AFF3: variants seen among roughly 807,000 people sequenced by gnomAD.
AFF3 encodes the protein ALF transcription elongation factor 3, also known as AF4/FMR2 family member 3.
In AFF3, 32 loss-of-function variants were observed where a neutral mutation model predicts 129.7. The ratio of observed to expected loss-of-function variants is 0.25; its 90% CI spans 0.19 to 0.33. The LOEUF is 0.33. Among genes scored for constraint, AFF3 ranks in the 10% least tolerant of loss-of-function variants. The probability of loss-of-function intolerance (pLI) is 1.00; values close to 1 mark genes in which losing one functional copy is unlikely to be tolerated. For missense variants in AFF3, 1,373 were observed against 1,592.0 expected, an observed-to-expected ratio of 0.86 and a Z score of 2.34; for synonymous variants, 644 against 635.4, an observed-to-expected ratio of 1.01 and a Z score of -0.20.
At chr2:99,842,459 G>C (rs945157054) in intron 7 of AFF3, among the ~76,000 whole-genome samples, 1 of 152,070 alleles carries the variant, frequency 6.6e-6, no homozygotes, top group African/African-American at 2.4e-5. Flanking sequence ...TTGACGGTTT[G>C]TAGCTGTTGT....
At position 100,008,816 on chromosome 2, in the gene AFF3, T is replaced by C. The variant is rs1682232860; in HGVS notation, c.170A>G (p.Tyr57Cys). Residue 57 changes from tyrosine to cysteine, a missense_variant, in exon 5 of 25, where the codon TAC becomes TGC. Tyr to Cys is a radical substitution (Grantham distance 194). Around this residue, in one of 9 missense-constraint regions of AFF3, gnomAD observed 255 missense variants for 256.0 expected, o/e 1.00. Transcript: ENST00000672756. ...GAACAACTGAAAACCATCTACCTTGTAGGGCTCACTGAAGAGAGAGTAACT... is the reference window on the plus strand; with the variant it reads ...GAACAACTGAAAACCATCTACCTTGCAGGGCTCACTGAAGAGAGAGTAACT... ...NSSYSLFSEPYKTNKGDELSN... is the reference protein window; with the variant it reads ...NSSYSLFSEPCKTNKGDELSN... The C allele has an allele frequency of 2.5e-6, 4 of 1,613,798 alleles. No individual in the cohort carries two copies. Among genetic ancestry groups the C allele is most frequent in the Non-Finnish European group, 3.4e-6 (4 of 1,179,888 alleles).
At position 99,551,379 on chromosome 2, in the gene AFF3, T is replaced by A; in HGVS notation, c.*95A>T. On this transcript the variant is annotated 3_prime_UTR_variant, in exon 25 of 25. Coordinates refer to ENST00000672756, the MANE Select transcript of AFF3 (RefSeq NM_001386135.1). ...TGAGGAAATGTTCACCGCAGTCTGA[T>A]AAATGCTGTGGCTGGGAGTTTCAGT... 1 of 1,510,912 alleles carries A rather than the reference T, an allele frequency of 6.6e-7. No individual in the cohort carries two copies. Among genetic ancestry groups the A allele is most frequent in the Non-Finnish European group, 9.0e-7 (1 of 1,107,022 alleles). The allele number at this position is 1,510,912 out of a possible 1,614,324, so 93.6% of individuals were successfully genotyped here. A position where few individuals can be genotyped will look rare whatever the true frequency, so the allele number is the denominator to read the frequency against.
intron 4 of AFF3, among the ~76,000 whole-genome samples, chr2:100,101,982 T>C (rs1475029427): frequency 6.8e-6 from 1 of 147,638 alleles, no homozygotes; most frequent in Non-Finnish European, 1.5e-5. Context: ...TCATCTGTTT[T>C]ATGACCTCAG....
intron 4 of AFF3, among the ~76,000 whole-genome samples, chr2:100,093,005 C>T (rs199818589): frequency 6.6e-6 from 1 of 151,902 alleles, no homozygotes; most frequent in Non-Finnish European, 1.5e-5. Context: ...AACCCAGACA[C>T]CTAGAAATCC....
intron 4 of AFF3, among the ~76,000 whole-genome samples, chr2:100,088,037 C>T (rs1402716368): frequency 6.7e-6 from 1 of 150,234 alleles, no homozygotes; most frequent in Non-Finnish European, 1.5e-5. Flanking sequence ...TGATAAAGGG[C>T]ATCTATGAAA....
intron 4 of AFF3, among the ~76,000 whole-genome samples, chr2:100,095,760 G>C (rs1471279973): frequency 6.7e-6 from 1 of 149,898 alleles, no homozygotes; most frequent in Admixed American, 6.7e-5. Flanking sequence ...AACATGCAAA[G>C]TCAATTGTGC....
intron 4 of AFF3, among the ~76,000 whole-genome samples, chr2:100,061,862 G>GGC (rs1358027053): frequency 6.6e-6 from 1 of 151,246 alleles, no homozygotes; most frequent in African/African-American, 2.4e-5. Context: ...AGTGGAGGGG[G>GGC]GGGGGGTGCC....
intron 11 of AFF3, among the ~76,000 whole-genome samples, chr2:99,694,173 C>T (rs1325459338): frequency 6.6e-6 from 1 of 152,158 alleles, no homozygotes. Flanking sequence ...ACTGGAATTA[C>T]AAGTGTGAGC....
intron 4 of AFF3, among the ~76,000 whole-genome samples, chr2:100,045,372 T>C (rs1685752041): frequency 6.6e-6 from 1 of 152,206 alleles, no homozygotes; most frequent in Non-Finnish European, 1.5e-5. Flanking sequence ...CAGACTAATG[T>C]ACTTCTTAAT....
chr2:99,991,758 C>T (rs1680360224), intron 7 of AFF3, among the ~76,000 whole-genome samples: 1 of 151,954 alleles, frequency 6.6e-6, no homozygotes, highest in East Asian at 1.9e-4. Context: ...CAAAAATTAG[C>T]CAGGCGTGGT....
At chr2:99,724,241 C>G (rs1207285852) in intron 11 of AFF3, among the ~76,000 whole-genome samples, 1 of 139,062 alleles carries the variant, frequency 7.2e-6, no homozygotes, top group Non-Finnish European at 1.5e-5. Context: ...GGTTTATGCT[C>G]TAACTCCTCA....
At chr2:99,559,102 G>T in intron 21 of AFF3, 134 bp from the exon 22 acceptor site, 1 of 707,670 alleles carries the variant, frequency 1.4e-6, no homozygotes, top group South Asian at 1.8e-5. Context: ...CTTTCTATAC[G>T]TGCATATAAT....
intron 8 of AFF3, among the ~76,000 whole-genome samples, chr2:99,767,068 A>C (rs1683079283): frequency 6.6e-6 from 1 of 152,246 alleles, no homozygotes; most frequent in Non-Finnish European, 1.5e-5. Context: ...TCTGAGACTT[A>C]ATAGAGCCAA....
intron 8 of AFF3, among the ~76,000 whole-genome samples, chr2:99,824,210 G>T (rs1187565119): frequency 6.6e-6 from 1 of 151,894 alleles, no homozygotes; most frequent in Non-Finnish European, 1.5e-5. Context: ...CCACATCCAG[G>T]GTTCAAGTGA....
At chr2:100,080,650 G>C (rs1016415862) in intron 4 of AFF3, among the ~76,000 whole-genome samples, 6 of 152,090 alleles carry the variant, frequency 3.9e-5, no homozygotes, top group African/African-American at 1.4e-4. Context: ...ACACAGGCAT[G>C]AACCAAGCAC....
At chr2:99,900,059 C>G (rs895652248) in intron 7 of AFF3, among the ~76,000 whole-genome samples, 18 of 152,096 alleles carry the variant, frequency 1.2e-4, no homozygotes, top group Admixed American at 3.9e-4. Flanking sequence ...CTCACAACAT[C>G]GTGGCTGTAA....
chr2:99,826,428 T>C (rs1688085703), intron 8 of AFF3, among the ~76,000 whole-genome samples: 1 of 152,174 alleles, frequency 6.6e-6, no homozygotes, highest in African/African-American at 2.4e-5. Context: ...TTAAGTATTG[T>C]AATAAGAATA....
At chr2:99,628,482 A>G (rs968486432) in intron 13 of AFF3, among the ~76,000 whole-genome samples, 8 of 152,044 alleles carry the variant, frequency 5.3e-5, no homozygotes, top group Admixed American at 3.3e-4. Context: ...GGTTTTCTAG[A>G]TACAGGATCG....
intron 7 of AFF3, among the ~76,000 whole-genome samples, chr2:99,879,298 C>T (rs368610329): frequency 3.0e-4 from 45 of 152,250 alleles, no homozygotes; most frequent in African/African-American, 8.9e-4. Flanking sequence ...TATGTTTATA[C>T]CATCCATAGT....
Sources: gnomAD v4.1 joint callset for allele counts (sites outside exome capture counted in the v4.1 genomes callset) on GRCh38, gnomAD v4.1.1 for gene constraint, gnomAD v4.1.1 regional missense constraint, MANE v1.5 for transcripts, NCBI Gene and HGNC (gene_info 2026-07-23, HGNC 2026-07-21) for gene names.